The following VPS37A variants were observed in gnomAD, a reference collection of about 807,000 sequenced individuals.
VPS37A encodes the protein vacuolar protein sorting-associated protein 37A.
VPS37A carries 30 observed loss-of-function variants against 49.8 expected under a neutral mutation model. The ratio of observed to expected loss-of-function variants is 0.60; its 90% CI spans 0.45 to 0.82. VPS37A has a LOEUF of 0.82. Ranked by LOEUF, VPS37A falls within the 40% of genes least tolerant of loss-of-function variation. VPS37A has a pLI of 0.00. For missense variants in VPS37A, 593 were observed against 464.4 expected (o/e 1.28, Z -2.55); for synonymous variants, 195 against 160.6 (o/e 1.21, Z -1.62).
At chr8:17,267,821 C>G (rs1295226645) in intron 2 of VPS37A, among the ~76,000 whole-genome samples, 3 of 152,112 alleles carry the variant, frequency 2.0e-5, no homozygotes, top group Non-Finnish European at 4.4e-5. Flanking sequence ...ACCACCATGC[C>G]CAGCCGTGAC....
intron 1 of VPS37A, among the ~76,000 whole-genome samples, chr8:17,261,550 CT>C (rs1366467175): frequency 6.6e-6 from 1 of 152,182 alleles, no homozygotes; most frequent in Non-Finnish European, 1.5e-5. Flanking sequence ...TATGTCTTTA[CT>C]TTGACGAATT....
chr8:17,310,258 C>T, the VPS37A span, among the ~76,000 whole-genome samples: 1 of 152,048 alleles, frequency 6.6e-6, no homozygotes, highest in Non-Finnish European at 1.5e-5. Context: ...TCCTTAACCT[C>T]CCAAAATGCT....
the VPS37A span, chr8:17,313,204 C>A: frequency 9.8e-6 from 9 of 915,992 alleles, no homozygotes; most frequent in Admixed American, 1.8e-4. Context: ...CAGCTTAAGA[C>A]AGGGAAGCCC....
Position 17,296,348 on chromosome 8 carries a change from A to C in VPS37A, c.*1362A>C, listed in dbSNP as rs1816631770. On this transcript the variant is annotated 3_prime_UTR_variant, in exon 12 of 12. Coordinates refer to ENST00000324849, the MANE Select transcript of VPS37A (RefSeq NM_152415.3). ...CACTGTGCTAAGGACATGCTGTTAA[A>C]GCTTCAAAGTGACCAGATGAGGAAG... is the stretch of plus-strand genomic sequence containing the variant. 6.6e-6 allele frequency: 1 copy of C among 152,182 alleles called. No homozygotes were observed. The highest frequency in any genetic ancestry group is 2.4e-5 in the African/African-American group (1 of 41,456). The allele number at this position is 152,182 out of a possible 1,614,324, so 9.4% of individuals were successfully genotyped here.
At chr8:17,326,528 A>G in the VPS37A span, 2 of 152,346 alleles carry the variant, frequency 1.3e-5, no homozygotes, top group African/African-American at 4.8e-5. Context: ...AATATGATAA[A>G]AAGTGCTAGG....
intron 11 of VPS37A, among the ~76,000 whole-genome samples, chr8:17,290,623 A>C (rs890072642): frequency 2.0e-5 from 3 of 152,196 alleles, no homozygotes; most frequent in African/African-American, 7.2e-5. Flanking sequence ...CATCAGGGAT[A>C]TTGGCCTGAA....
intron 11 of VPS37A, 78 bp from the exon 12 acceptor site, chr8:17,294,909 T>G (rs529957703): frequency 6.6e-6 from 1 of 152,248 alleles, no homozygotes; most frequent in Non-Finnish European, 1.5e-5. Context: ...TGGGCAAATC[T>G]TAATTGGAAG....
At chr8:17,250,718 AC>A (rs1231996528) in intron 1 of VPS37A, among the ~76,000 whole-genome samples, 2 of 152,098 alleles carry the variant, frequency 1.3e-5, no homozygotes, top group Admixed American at 6.6e-5. Flanking sequence ...ATGATTGTGA[AC>A]TTTTTAGTTG....
At chr8:17,329,773 G>C in the VPS37A span, among the ~76,000 whole-genome samples, 1,833 of 152,310 alleles carry the variant, frequency 0.012, 19 homozygotes, top group Non-Finnish European at 0.017. Flanking sequence ...AGCAGGAACA[G>C]CCAAACTCTG....
rs76266589 is a variant in VPS37A, at chr8:17,274,775, G to A, written c.459G>A (p.Gln153=). Residue 153 remains glutamine, a synonymous_variant, in exon 5 of 12, where the codon CAG becomes CAA. Coordinates refer to ENST00000324849, the MANE Select transcript of VPS37A (RefSeq NM_152415.3). ...GTGGGATGTCTCCTTATGCTTCTCA[G>A]GGTTTTCCATTTCTTCCTCCATATC... ...NPSGMSPYAS[Q]GFPFLPPYPP... is the part of the protein sequence containing the mutation. 2 of 1,613,932 alleles carry A rather than the reference G, an allele frequency of 1.2e-6. No individual in the cohort carries two copies. The highest frequency in any genetic ancestry group is 2.7e-5 in the African/African-American group (2 of 74,878).
intron 1 of VPS37A, chr8:17,247,804 T>G (rs1328563952): frequency 1.4e-6 from 1 of 701,740 alleles, no homozygotes. Flanking sequence ...TGTTGCAACA[T>G]CAAAGGAAAG....
chr8:17,317,933 T>C, the VPS37A span, among the ~76,000 whole-genome samples: 1 of 152,164 alleles, frequency 6.6e-6, no homozygotes, highest in Non-Finnish European at 1.5e-5. Flanking sequence ...TTCATTCTCA[T>C]TTCAGTGGGA....
Position 17,250,197 on chromosome 8 carries a change from G to T in VPS37A, c.125+2828G>T, listed in dbSNP as rs550405494. Among the ~76,000 whole-genome samples, 12 of 152,266 alleles carry T rather than the reference G, an allele frequency of 7.9e-5. No homozygotes were observed. The South Asian group carries it at 2.5e-3, about 32-fold the overall frequency. ...TTCAATGGAGAAAGAGGGGCAGGAG[G>T]TGGTCAGAGAGAGCTTTACTTCTGA... On this transcript the variant is annotated intron_variant, in intron 1 of 11. Transcript: ENST00000324849.
chr8:17,330,673 G>A, the VPS37A span, among the ~76,000 whole-genome samples: 2 of 152,196 alleles, frequency 1.3e-5, no homozygotes, highest in Admixed American at 6.5e-5. Context: ...GGAGGTGGCG[G>A]GAGGTTACAT....
In VPS37A at chr8:17,280,314, T is replaced by G. The variant is rs766419797; in HGVS notation, c.900+17T>G. ...TTAGATAAGGTGAGTTAGTGATAAT[T>G]TTGAAGAAATTTACATAATTTAAAA... On this transcript the variant is annotated intron_variant, in intron 8 of 11. Transcript: ENST00000324849. 3.1e-6 allele frequency: 5 copies of G among 1,607,208 alleles called. No individual in the cohort carries two copies. In the African/African-American group the frequency reaches 6.7e-5, roughly 22 times the overall value.
At position 17,296,306 on chromosome 8, in the gene VPS37A, TTTCA is replaced by T. The variant is rs1298894952; in HGVS notation, c.*1323_*1326del. The T allele has an allele frequency of 2.6e-5, 4 of 152,182 alleles. No homozygotes were observed. The highest frequency in any genetic ancestry group is 9.7e-5 in the African/African-American group (4 of 41,434). 9.4% of individuals were successfully genotyped at this position (152,182 alleles called of 1,614,324 possible). A position where few individuals can be genotyped will look rare whatever the true frequency, so the allele number is the denominator to read the frequency against. On this transcript the variant is annotated 3_prime_UTR_variant, in exon 12 of 12. Coordinates refer to ENST00000324849, the MANE Select transcript of VPS37A (RefSeq NM_152415.3). ...TACAATGTTGGATACAGAAAATAAC[TTTCA>T]TTGTCTTCCTGACACTGTGCTAAGG...
At chr8:17,301,108 T>C (rs1046507973), downstream of VPS37A, among the ~76,000 whole-genome samples, 1 of 152,246 alleles carries the variant, frequency 6.6e-6, no homozygotes, top group African/African-American at 2.4e-5. Context: ...AGATCAAGTA[T>C]TATGTATTCA....
chr8:17,309,333 A>G, the VPS37A span: 1 of 1,543,202 alleles, frequency 6.5e-7, no homozygotes, highest in East Asian at 2.2e-5. Flanking sequence ...ATACCTACAC[A>G]AGAAAGAATA....
chr8:17,274,178 A>G (rs1184353880), intron 4 of VPS37A, among the ~76,000 whole-genome samples: 1 of 152,266 alleles, frequency 6.6e-6, no homozygotes, highest in Non-Finnish European at 1.5e-5. Flanking sequence ...TCCAAAGTAC[A>G]TAATGCTGTG....
Sources: gnomAD v4.1 joint callset for allele counts (sites outside exome capture counted in the v4.1 genomes callset) on GRCh38, gnomAD v4.1.1 for gene constraint, MANE v1.5 for transcripts, NCBI Gene and HGNC (gene_info 2026-07-23, HGNC 2026-07-21) for gene names.